The following SLC14A2 variants were observed in gnomAD, a reference collection of about 807,000 sequenced individuals.
The protein encoded by SLC14A2 is solute carrier family 14 member 2, also known as urea transporter 2.
Under a neutral mutation model 104.6 loss-of-function variants are expected in SLC14A2, and 91 were observed. That is an observed-to-expected ratio of 0.87 (90% CI 0.73 to 1.04). The LOEUF is 1.04. Ranked by LOEUF, SLC14A2 falls within the 50% of genes least tolerant of loss-of-function variation. SLC14A2 has a pLI of 0.00. For missense variants in SLC14A2, 1,189 were observed against 1,156.0 expected (o/e 1.03, Z -0.41); for synonymous variants, 476 against 466.4 (o/e 1.02, Z -0.27).
At chr18:45,174,864 A>G in the SLC14A2 span, among the ~76,000 whole-genome samples, 1 of 152,150 alleles carries the variant, frequency 6.6e-6, no homozygotes, top group Non-Finnish European at 1.5e-5. Context: ...CTCTTAAATG[A>G]AAAGATGCAT....
Position 45,236,365 on chromosome 18 carries a change from A to G in SLC14A2, c.-125+23174A>G, listed in dbSNP as rs202244426. Among the ~76,000 whole-genome samples the G allele has an allele frequency of 2.5e-3, 45 of 17,972 alleles. 4 individuals are homozygous for G. The highest frequency in any genetic ancestry group is 0.015 in the South Asian group (7 of 462). 11.8% of individuals were successfully genotyped at this position (17,972 alleles called of 152,430 possible). On this transcript the variant is annotated intron_variant, in intron 1 of 20. Transcript: ENST00000586448. ...TGTGTATATATACATGTATGTGTGT[A>G]TATATGTGTATATATACATGTATGT...
chr18:45,221,792 T>C (rs904642273), intron 1 of SLC14A2, among the ~76,000 whole-genome samples: 1 of 151,924 alleles, frequency 6.6e-6, no homozygotes, highest in African/African-American at 2.4e-5. Context: ...TCTTAGAGTG[T>C]GTAGAGGTCA....
At chr18:45,421,256 CT>C (rs202227442) in intron 1 of SLC14A2, among the ~76,000 whole-genome samples, 4,359 of 142,218 alleles carry the variant, frequency 0.031, 112 homozygotes, top group South Asian at 0.11. Context: ...AACATCGATC[CT>C]TTTTTTTTTT....
chr18:45,463,830 C>T (rs138881862), intron 1 of SLC14A2, among the ~76,000 whole-genome samples: 62 of 152,260 alleles, frequency 4.1e-4, no homozygotes, highest in Non-Finnish European at 7.1e-4. Context: ...GCAAAAGGCT[C>T]GTTGAACATG....
intron 1 of SLC14A2, among the ~76,000 whole-genome samples, chr18:45,253,837 A>G (rs1001457907): frequency 4.6e-5 from 7 of 152,214 alleles, no homozygotes; most frequent in African/African-American, 1.4e-4. Flanking sequence ...ATAGAAAATA[A>G]TAGTTTGTTT....
At chr18:45,240,961 T>A (rs953247198) in intron 1 of SLC14A2, among the ~76,000 whole-genome samples, 12 of 152,142 alleles carry the variant, frequency 7.9e-5, no homozygotes, top group African/African-American at 2.9e-4. Context: ...CCCAGCTTCA[T>A]GGAGGAAGAA....
At chr18:45,630,345 C>T (rs1479988470) in intron 4 of SLC14A2, among the ~76,000 whole-genome samples, 2 of 152,326 alleles carry the variant, frequency 1.3e-5, no homozygotes, top group Non-Finnish European at 2.9e-5. Context: ...ATATTCTAAG[C>T]ATGACCTCCA....
At chr18:45,602,849 A>G (rs892272152) in intron 2 of SLC14A2, among the ~76,000 whole-genome samples, 1 of 152,220 alleles carries the variant, frequency 6.6e-6, no homozygotes, top group Non-Finnish European at 1.5e-5. Flanking sequence ...CCATCAGTTT[A>G]GCCAATTGAT....
intron 1 of SLC14A2, among the ~76,000 whole-genome samples, chr18:45,474,754 T>A (rs975358288): frequency 3.3e-5 from 5 of 152,218 alleles, no homozygotes; most frequent in Non-Finnish European, 5.9e-5. Flanking sequence ...TGTGTCTATT[T>A]GATTCTTCTC....
At chr18:45,537,550 G>A (rs1414833499) in intron 2 of SLC14A2, among the ~76,000 whole-genome samples, 2 of 152,198 alleles carry the variant, frequency 1.3e-5, no homozygotes, top group East Asian at 3.9e-4. Flanking sequence ...GAGAGAGGTA[G>A]GAGGTGAGGT....
At chr18:45,188,229 C>T in the SLC14A2 span, among the ~76,000 whole-genome samples, 28 of 152,202 alleles carry the variant, frequency 1.8e-4, no homozygotes, top group African/African-American at 6.5e-4. Context: ...AGAGGTTAAA[C>T]TTTGTGGGCA....
intron 1 of SLC14A2, among the ~76,000 whole-genome samples, chr18:45,463,536 T>C (rs988634569): frequency 7.2e-5 from 11 of 152,236 alleles, no homozygotes; most frequent in African/African-American, 2.4e-4. Context: ...TTTATCTACA[T>C]CTTCACATTT....
chr18:45,197,634 T>G, the SLC14A2 span, among the ~76,000 whole-genome samples: 5 of 152,312 alleles, frequency 3.3e-5, no homozygotes, highest in Admixed American at 1.3e-4. Flanking sequence ...ATCCCACTGA[T>G]GGGTTTATAA....
chr18:45,643,075 G>A (rs2045556793), intron 8 of SLC14A2, 57 bp from the exon 9 acceptor site: 1 of 1,552,190 alleles, frequency 6.4e-7, no homozygotes, highest in East Asian at 2.2e-5. Context: ...TGCAATGGCA[G>A]TGGCTTAGGG....
chr18:45,441,631 A>G (rs952647413), intron 1 of SLC14A2, among the ~76,000 whole-genome samples: 2 of 152,230 alleles, frequency 1.3e-5, no homozygotes, highest in Admixed American at 6.5e-5. Context: ...ACGCATGCCC[A>G]TACATGTGTG....
At chr18:45,399,928 G>C (rs1219393924) in intron 1 of SLC14A2, among the ~76,000 whole-genome samples, 1 of 152,016 alleles carries the variant, frequency 6.6e-6, no homozygotes, top group Non-Finnish European at 1.5e-5. Context: ...TGGCCCCAAA[G>C]GTCCTTCAGA....
chr18:45,649,929 G>A (rs749789585), intron 10 of SLC14A2, among the ~76,000 whole-genome samples: 3 of 152,228 alleles, frequency 2.0e-5, no homozygotes, highest in Admixed American at 6.5e-5. Context: ...GCCCAGGGGC[G>A]TGTCTTTTCT....
intron 1 of SLC14A2, among the ~76,000 whole-genome samples, chr18:45,466,992 G>C (rs959245299): frequency 2.6e-5 from 4 of 152,050 alleles, no homozygotes; most frequent in African/African-American, 9.7e-5. Flanking sequence ...ATCTACTGAT[G>C]ATGACACAAT....
chr18:45,580,845 T>C (rs759360281), intron 2 of SLC14A2, among the ~76,000 whole-genome samples: 1 of 152,060 alleles, frequency 6.6e-6, no homozygotes, highest in African/African-American at 2.4e-5. Context: ...GGGCAAGGGA[T>C]TCAACTTTAA....
Sources: allele counts gnomAD v4.1 joint callset (sites outside exome capture counted in the v4.1 genomes callset), GRCh38; gene constraint gnomAD v4.1.1; transcripts MANE v1.5; gene names NCBI Gene and HGNC (gene_info 2026-07-23, HGNC 2026-07-21).